Variants in SUGCT observed in about 807,000 individuals in gnomAD.
SUGCT encodes the protein succinyl-CoA:glutarate CoA-transferase.
In SUGCT, 41 loss-of-function variants were observed where a neutral mutation model predicts 55.0. The observed-to-expected ratio is 0.74, with a 90% CI of 0.58 to 0.97. The LOEUF (loss-of-function observed/expected upper bound fraction) is 0.97, where lower values mean the gene tolerates loss of function less well. Ranked by LOEUF, SUGCT falls within the 50% of genes least tolerant of loss-of-function variation. SUGCT has a pLI of 0.00. For missense variants in SUGCT, 568 were observed against 547.8 expected (o/e 1.04, Z -0.37); for synonymous variants, 187 against 200.4 (o/e 0.93, Z 0.56).
intron 9 of SUGCT, among the ~76,000 whole-genome samples, chr7:40,420,108 TGAGA>T (rs1315522571): frequency 6.6e-6 from 1 of 151,998 alleles, no homozygotes; most frequent in Non-Finnish European, 1.5e-5. Flanking sequence ...AGTACCTGGG[TGAGA>T]GAGAAGAGGA....
intron 12 of SUGCT, among the ~76,000 whole-genome samples, chr7:40,693,617 C>A (rs2128653788): frequency 6.6e-6 from 1 of 152,198 alleles, no homozygotes; most frequent in African/African-American, 2.4e-5. Context: ...TCTGAAGGAG[C>A]ATGAATCACC....
At chr7:40,779,633 A>G (rs879659757) in intron 13 of SUGCT, among the ~76,000 whole-genome samples, 16 of 152,240 alleles carry the variant, frequency 1.1e-4, no homozygotes, top group African/African-American at 1.4e-4. Flanking sequence ...CAAGGATTTG[A>G]GGTATTTGTT....
chr7:40,288,944 G>T (rs1264941845), intron 8 of SUGCT, among the ~76,000 whole-genome samples: 1 of 152,074 alleles, frequency 6.6e-6, no homozygotes, highest in Non-Finnish European at 1.5e-5. Context: ...CAGAAGAATG[G>T]GCTGATGCTT....
At chr7:40,458,073 G>C (rs1789583530) in intron 10 of SUGCT, among the ~76,000 whole-genome samples, 1 of 152,062 alleles carries the variant, frequency 6.6e-6, no homozygotes, top group Non-Finnish European at 1.5e-5. Flanking sequence ...CCACTGAGAT[G>C]GTCTCTTTAC....
intron 12 of SUGCT, among the ~76,000 whole-genome samples, chr7:40,606,217 C>T (rs1412876502): frequency 6.6e-6 from 1 of 152,196 alleles, no homozygotes; most frequent in African/African-American, 2.4e-5. Context: ...AACGGGAAAG[C>T]TTTCTAAGAG....
At chr7:40,397,804 G>A (rs958294308) in intron 9 of SUGCT, among the ~76,000 whole-genome samples, 5 of 152,142 alleles carry the variant, frequency 3.3e-5, no homozygotes, top group Non-Finnish European at 7.4e-5. Flanking sequence ...AGCTGTTTTG[G>A]ACAGTGTAAC....
At chr7:40,844,713 G>A (rs943561900) in intron 13 of SUGCT, among the ~76,000 whole-genome samples, 11 of 152,220 alleles carry the variant, frequency 7.2e-5, no homozygotes, top group Non-Finnish European at 1.2e-4. Flanking sequence ...TGGGGCCCTC[G>A]CCAGGGACCG....
the SUGCT span, among the ~76,000 whole-genome samples, chr7:40,870,945 A>G: frequency 3.4e-3 from 510 of 152,148 alleles, 2 homozygotes; most frequent in African/African-American, 0.012. Flanking sequence ...ACACGCTCCT[A>G]CCTTTTTAAG....
rs552427785 is a variant in SUGCT, at chr7:40,316,538, T to C, written c.721-222T>C. On this transcript the variant is annotated intron_variant, in intron 8 of 13. Coordinates refer to ENST00000335693, the MANE Select transcript of SUGCT (RefSeq NM_001193313.2). The stretch of plus-strand genomic sequence containing the variant: ...TTTAGGGGTTGAACGTTTATGTATT[T>C]ATATTTCTCAATTGACTATTACTTA... Among the ~76,000 whole-genome samples, 15 of 152,346 alleles carry C rather than the reference T, an allele frequency of 9.8e-5. 1 individual carries two copies. The East Asian group carries it at 2.9e-3, about 29-fold the overall frequency.
At chr7:40,824,619 C>T (rs528814061) in intron 13 of SUGCT, among the ~76,000 whole-genome samples, 25 of 152,294 alleles carry the variant, frequency 1.6e-4, no homozygotes, top group South Asian at 1.2e-3. Flanking sequence ...GTCTTTGTTT[C>T]GTGCTGCTAT....
chr7:40,878,649 C>T, the SUGCT span, among the ~76,000 whole-genome samples: 1 of 152,276 alleles, frequency 6.6e-6, no homozygotes, highest in Non-Finnish European at 1.5e-5. Context: ...AGATATCATT[C>T]TGTGTGCAGA....
chr7:40,700,056 T>C (rs1785110372), intron 12 of SUGCT, among the ~76,000 whole-genome samples: 1 of 152,174 alleles, frequency 6.6e-6, no homozygotes, highest in Non-Finnish European at 1.5e-5. Flanking sequence ...GGCAGCTGCA[T>C]GTGTCTCTTG....
intron 13 of SUGCT, among the ~76,000 whole-genome samples, chr7:40,754,657 G>C (rs564968358): frequency 1.3e-5 from 2 of 152,324 alleles, no homozygotes; most frequent in African/African-American, 4.8e-5. Flanking sequence ...ACCTCACTTA[G>C]TGTGTAGGCT....
chr7:40,217,432 G>A (rs796248165), intron 6 of SUGCT: 22 of 447,522 alleles, frequency 4.9e-5, no homozygotes, highest in African/African-American at 4.0e-4. Context: ...GGATGGTCTT[G>A]ATCTCCAAAC....
intron 12 of SUGCT, among the ~76,000 whole-genome samples, chr7:40,640,981 A>G (rs538262237): frequency 2.0e-5 from 3 of 152,348 alleles, no homozygotes; most frequent in South Asian, 2.1e-4. Context: ...GTGTTTTACT[A>G]TTGGAGACTT....
chr7:40,182,689 C>T (rs1256743055), intron 3 of SUGCT, among the ~76,000 whole-genome samples: 1 of 152,102 alleles, frequency 6.6e-6, no homozygotes, highest in Non-Finnish European at 1.5e-5. Flanking sequence ...TTTACAACAA[C>T]CCTATGGGCT....
chr7:40,589,542 G>A (rs1797597423), intron 12 of SUGCT, among the ~76,000 whole-genome samples: 2 of 152,214 alleles, frequency 1.3e-5, no homozygotes, highest in Middle Eastern at 6.8e-3. Context: ...ATTAATGAAG[G>A]CAGAGCCCTC....
chr7:40,496,711 G>T (rs1791995167), intron 12 of SUGCT, among the ~76,000 whole-genome samples: 1 of 119,672 alleles, frequency 8.4e-6, no homozygotes, highest in Admixed American at 7.9e-5. Context: ...ACTATTCTTT[G>T]TAGGAAGAAA....
chr7:40,287,427 C>G (rs561233161), intron 8 of SUGCT, among the ~76,000 whole-genome samples: 21 of 152,078 alleles, frequency 1.4e-4, no homozygotes, highest in Non-Finnish European at 2.4e-4. Context: ...TTTTCTTGTT[C>G]CTGATCTCAA....
Sources: allele counts gnomAD v4.1 joint callset (sites outside exome capture counted in the v4.1 genomes callset), GRCh38; gene constraint gnomAD v4.1.1; transcripts MANE v1.5; gene names NCBI Gene and HGNC (gene_info 2026-07-23, HGNC 2026-07-21).